Variants in CHCHD3 observed in about 807,000 individuals in gnomAD.
The protein encoded by CHCHD3 is coiled-coil-helix-coiled-coil-helix domain containing 3.
In CHCHD3, 20 loss-of-function variants were observed where a neutral mutation model predicts 38.2. That is an observed-to-expected ratio of 0.52 (90% CI 0.37 to 0.76). CHCHD3 has a LOEUF of 0.76. Ranked by LOEUF, CHCHD3 falls within the 30% of genes least tolerant of loss-of-function variation. The pLI, the probability that CHCHD3 is intolerant of heterozygous loss-of-function variation, is 0.00. For missense variants in CHCHD3, 245 were observed against 279.2 expected, an observed-to-expected ratio of 0.88 and a Z score of 0.87; for synonymous variants, 82 against 100.0, an observed-to-expected ratio of 0.82 and a Z score of 1.07.
At chr7:133,062,707 C>T (rs1247245702) in intron 2 of CHCHD3, among the ~76,000 whole-genome samples, 1 of 152,170 alleles carries the variant, frequency 6.6e-6, no homozygotes, top group East Asian at 1.9e-4. Context: ...CTCCTGAGTA[C>T]TGTGACTCCA....
chr7:132,966,316 T>A (rs539873981), intron 4 of CHCHD3, among the ~76,000 whole-genome samples: 1 of 152,322 alleles, frequency 6.6e-6, no homozygotes, highest in South Asian at 2.1e-4. Flanking sequence ...AATGTCTTTA[T>A]GGGTAAGGGA....
At chr7:132,911,690 C>T (rs568298739) in intron 4 of CHCHD3, among the ~76,000 whole-genome samples, 7 of 152,316 alleles carry the variant, frequency 4.6e-5, no homozygotes, top group East Asian at 1.9e-4. Context: ...TGCTCCCCAT[C>T]GGTTTAGTGT....
At chr7:132,886,850 A>G in intron 4 of CHCHD3, 1 of 535,604 alleles carries the variant, frequency 1.9e-6, no homozygotes, top group Non-Finnish European at 2.8e-6. Context: ...CTATTTCACC[A>G]AAATTCTTTT....
chr7:132,844,830 A>G (rs1285244183), intron 5 of CHCHD3, among the ~76,000 whole-genome samples: 1 of 152,224 alleles, frequency 6.6e-6, no homozygotes, highest in Non-Finnish European at 1.5e-5. Context: ...CTATATTTGG[A>G]AGATATTTCT....
intron 4 of CHCHD3, among the ~76,000 whole-genome samples, chr7:132,959,347 C>T (rs1811255096): frequency 6.6e-6 from 1 of 152,210 alleles, no homozygotes; most frequent in East Asian, 1.9e-4. Context: ...CTGACTGTCA[C>T]TTGCTTCTGT....
intron 1 of CHCHD3, among the ~76,000 whole-genome samples, chr7:133,077,111 T>A (rs548542608): frequency 2.6e-5 from 4 of 152,182 alleles, no homozygotes; most frequent in African/African-American, 7.2e-5. Context: ...TAGATATATA[T>A]GAAATATGTA....
intron 4 of CHCHD3, among the ~76,000 whole-genome samples, chr7:132,939,585 T>C (rs1431510064): frequency 6.6e-6 from 1 of 152,198 alleles, no homozygotes; most frequent in Non-Finnish European, 1.5e-5. Context: ...ATTCACACAA[T>C]GATGCATTTT....
At chr7:133,078,940 T>C (rs1463933302) in intron 1 of CHCHD3, among the ~76,000 whole-genome samples, 1 of 152,198 alleles carries the variant, frequency 6.6e-6, no homozygotes, top group Non-Finnish European at 1.5e-5. Flanking sequence ...TCTAACAAAC[T>C]AAGCTAAAAA....
intron 5 of CHCHD3, among the ~76,000 whole-genome samples, chr7:132,864,102 C>T (rs978914579): frequency 2.6e-4 from 39 of 152,186 alleles, no homozygotes; most frequent in African/African-American, 7.2e-4. Flanking sequence ...TTGGTGCAAA[C>T]GGCACAGCTT....
chr7:132,860,717 C>T (rs1387707613), intron 5 of CHCHD3, among the ~76,000 whole-genome samples: 1 of 152,114 alleles, frequency 6.6e-6, no homozygotes, highest in Non-Finnish European at 1.5e-5. Flanking sequence ...ACCTCCACCT[C>T]CTGGGTTCAA....
intron 4 of CHCHD3, among the ~76,000 whole-genome samples, chr7:132,954,391 G>A (rs571142733): frequency 1.2e-4 from 18 of 152,154 alleles, no homozygotes; most frequent in Admixed American, 9.2e-4. Flanking sequence ...TCATGGCCAC[G>A]ACACTAGACA....
chr7:132,968,603 G>T (rs1443034232), intron 4 of CHCHD3, among the ~76,000 whole-genome samples: 1 of 152,068 alleles, frequency 6.6e-6, no homozygotes, highest in Non-Finnish European at 1.5e-5. Context: ...TTTTAACAGA[G>T]GTTATAATCC....
At chr7:132,791,540 T>A (rs1806459758) in intron 7 of CHCHD3, among the ~76,000 whole-genome samples, 1 of 152,256 alleles carries the variant, frequency 6.6e-6, no homozygotes, top group African/African-American at 2.4e-5. Context: ...TAGGTTTTTC[T>A]TTCAAGAACC....
intron 4 of CHCHD3, among the ~76,000 whole-genome samples, chr7:132,957,950 T>C (rs1040827219): frequency 1.3e-5 from 2 of 152,162 alleles, no homozygotes; most frequent in Non-Finnish European, 2.9e-5. Flanking sequence ...GGCTGAGAAA[T>C]TTACACAGAC....
intron 4 of CHCHD3, among the ~76,000 whole-genome samples, chr7:132,929,300 ACTCTCT>A (rs142881955): frequency 6.8e-6 from 1 of 146,566 alleles, no homozygotes; most frequent in Non-Finnish European, 1.5e-5. Context: ...TCACTTCTTG[ACTCTCT>A]CTCTCTCTCT....
At chr7:132,986,426 A>AG (rs1416474155) in intron 3 of CHCHD3, among the ~76,000 whole-genome samples, 2 of 13,960 alleles carry the variant, frequency 1.4e-4, no homozygotes, top group African/African-American at 5.1e-4. Flanking sequence ...AGAAAAAAGA[A>AG]AAAAAAAAAA....
At chr7:132,861,143 G>A (rs1808479550) in intron 5 of CHCHD3, among the ~76,000 whole-genome samples, 1 of 152,200 alleles carries the variant, frequency 6.6e-6, no homozygotes, top group Non-Finnish European at 1.5e-5. Context: ...GGAGAGGAAG[G>A]AGGGAATGTG....
chr7:132,973,124 A>C, intron 4 of CHCHD3: 7 of 985,420 alleles, frequency 7.1e-6, no homozygotes, highest in Non-Finnish European at 7.2e-6. Context: ...GCTGGTCTCC[A>C]TAAACTAAGA....
At chr7:132,944,517 T>C (rs1225085593) in intron 4 of CHCHD3, among the ~76,000 whole-genome samples, 2 of 151,344 alleles carry the variant, frequency 1.3e-5, no homozygotes, top group Non-Finnish European at 2.9e-5. Context: ...GGAATATTAG[T>C]AATATGAAAA....
Sources: allele counts gnomAD v4.1 joint callset (sites outside exome capture counted in the v4.1 genomes callset), GRCh38; gene constraint gnomAD v4.1.1; transcripts MANE v1.5; gene names NCBI Gene and HGNC (gene_info 2026-07-23, HGNC 2026-07-21).